MAP4: variants seen among roughly 807,000 people sequenced by gnomAD.
MAP4 encodes microtubule-associated protein 4.
A neutral mutation model predicts 170.2 loss-of-function variants in MAP4; 76 were observed. That is an observed-to-expected ratio of 0.45 (90% confidence interval 0.37 to 0.54). The LOEUF is 0.54. MAP4 is among the 20% of genes least tolerant of loss of function. The pLI, the probability that MAP4 is intolerant of heterozygous loss-of-function variation, is 0.00. For synonymous variants in MAP4, 909 were observed against 994.5 expected, an observed-to-expected ratio of 0.91 and a Z score of 1.62; for missense variants, 2,506 against 2,748.0, an observed-to-expected ratio of 0.91 and a Z score of 1.97.
chr3:48,007,524 A>G (rs1184591739), intron 1 of MAP4, among the ~76,000 whole-genome samples: 1 of 152,196 alleles, frequency 6.6e-6, no homozygotes, highest in East Asian at 1.9e-4. Context: ...CACCTGGGCC[A>G]TATGACCCAG....
intron 1 of MAP4, among the ~76,000 whole-genome samples, chr3:48,038,208 C>CGGAATATTT (rs2100119775): frequency 6.7e-6 from 1 of 149,754 alleles, no homozygotes; most frequent in East Asian, 1.9e-4. Flanking sequence ...TGAGGATTTT[C>CGGAATATTT]GGAATATTTG....
intron 3 of MAP4, among the ~76,000 whole-genome samples, chr3:47,939,824 G>T (rs1434814769): frequency 6.6e-6 from 1 of 151,040 alleles, no homozygotes; most frequent in African/African-American, 2.4e-5. Flanking sequence ...TCTGTTTTTT[G>T]TTGTTGTTGT....
intron 1 of MAP4, among the ~76,000 whole-genome samples, chr3:48,055,276 A>G (rs927989266): frequency 6.6e-5 from 10 of 151,610 alleles, no homozygotes; most frequent in African/African-American, 2.2e-4. Flanking sequence ...CCGAAGCTGG[A>G]CTGTACTGCT....
chr3:47,899,509 TATA>T (rs1483698393), intron 10 of MAP4, among the ~76,000 whole-genome samples: 1 of 152,232 alleles, frequency 6.6e-6, no homozygotes, highest in Non-Finnish European at 1.5e-5. Flanking sequence ...CTGAGTTCTT[TATA>T]TTATCATAAT....
chr3:47,996,296 T>C (rs948305692), intron 2 of MAP4, among the ~76,000 whole-genome samples: 1 of 151,922 alleles, frequency 6.6e-6, no homozygotes, highest in East Asian at 1.9e-4. Context: ...ACCAATACCA[T>C]GAGAAGACGC....
At position 47,852,618 on chromosome 3, in the gene MAP4, C is replaced by T. The variant is rs2044708602; in HGVS notation, c.*316G>A. 1 of 885,450 alleles carries T rather than the reference C, an allele frequency of 1.1e-6. No individual in the cohort carries two copies. The highest frequency in any genetic ancestry group is 1.7e-6 in the Non-Finnish European group (1 of 604,406). 54.8% of individuals were successfully genotyped at this position (885,450 alleles called of 1,614,324 possible). A position where few individuals can be genotyped will look rare whatever the true frequency, so the allele number is the denominator to read the frequency against. The stretch of plus-strand genomic sequence containing the variant: ...CTCAACCACCCCAACCCCCTCCCAA[C>T]CTCCTCCACGGAGCAGTGGCGCAGT... On this transcript the variant is annotated 3_prime_UTR_variant, in exon 21 of 21. Coordinates refer to ENST00000683076, the MANE Select transcript of MAP4 (RefSeq NM_001385682.1).
At chr3:48,029,368 G>A (rs981070577) in intron 1 of MAP4, among the ~76,000 whole-genome samples, 6 of 151,952 alleles carry the variant, frequency 3.9e-5, no homozygotes, top group South Asian at 2.1e-4. Flanking sequence ...CCCAGGAGGC[G>A]GAGGCTGCAG....
intron 1 of MAP4, among the ~76,000 whole-genome samples, chr3:48,028,290 T>C (rs2154504639): frequency 6.6e-6 from 1 of 152,100 alleles, no homozygotes; most frequent in Non-Finnish European, 1.5e-5. Context: ...AGACACCATC[T>C]CTGGGGGGGG....
chr3:48,004,861 C>A (rs575578069), intron 1 of MAP4, among the ~76,000 whole-genome samples: 57 of 152,272 alleles, frequency 3.7e-4, no homozygotes, highest in African/African-American at 1.3e-3. Context: ...ATCAACCTTT[C>A]CATCTTTGTC....
At position 47,903,710 on chromosome 3, in the gene MAP4, A is replaced by G. The variant is rs1024238119; in HGVS notation, c.5384-710T>C. 4.6e-5 allele frequency among the ~76,000 whole-genome samples: 7 copies of G among 152,236 alleles called. 1 individual carries two copies. The highest frequency in any genetic ancestry group is 2.0e-4 in the Admixed American group (3 of 15,282). ...AACAGTAGAGCAAACAGTAAGCTGG[A>G]AGAGACTTTGGCAATATATTCACTT... On this transcript the variant is annotated intron_variant, in intron 9 of 20. Transcript: ENST00000683076.
chr3:48,059,687 C>T (rs1246465618), intron 1 of MAP4, among the ~76,000 whole-genome samples: 3 of 151,614 alleles, frequency 2.0e-5, no homozygotes, highest in Non-Finnish European at 3.0e-5. Context: ...GTAATCCTAG[C>T]ATTTTGGGAG....
chr3:47,891,211 A>C, intron 10 of MAP4: 2 of 1,536,172 alleles, frequency 1.3e-6, no homozygotes, highest in Non-Finnish European at 1.7e-6. Flanking sequence ...TTCCTTCAGG[A>C]ATCTGCTCCA....
At chr3:47,886,161 T>C (rs139133820) in intron 10 of MAP4, among the ~76,000 whole-genome samples, 8 of 152,358 alleles carry the variant, frequency 5.3e-5, no homozygotes, top group Admixed American at 2.6e-4. Context: ...TAAAGTCGCA[T>C]TGTCTATGAT....
chr3:47,858,021 CTT>C (rs397817713), intron 17 of MAP4, among the ~76,000 whole-genome samples: 13 of 118,328 alleles, frequency 1.1e-4, no homozygotes, highest in South Asian at 3.0e-4. Context: ...CTGGCCTTCA[CTT>C]TTTTTTTTTT....
rs1170336183 is a variant in MAP4 at position 48,038,124 on chromosome 3, C to T, written c.-19-39245G>A. 3.4e-5 allele frequency among the ~76,000 whole-genome samples: 5 copies of T among 148,164 alleles called. No individual in the cohort carries two copies. The South Asian group carries it at 1.1e-3, about 31-fold the overall frequency. On this transcript the variant is annotated intron_variant, in intron 1 of 18. Coordinates refer to the MAP4 transcript ENST00000360240. Reference sequence around the variant, plus strand: ...TGGAGTTTGCAGTGAGCCGAGATCACGCCATTGCATTCCAGCCTGGGCATC... The same window carrying T: ...TGGAGTTTGCAGTGAGCCGAGATCATGCCATTGCATTCCAGCCTGGGCATC...
At chr3:47,929,993 G>A (rs963025630) in intron 3 of MAP4, among the ~76,000 whole-genome samples, 1 of 152,094 alleles carries the variant, frequency 6.6e-6, no homozygotes, top group Admixed American at 6.6e-5. Context: ...AGCTGGGCCT[G>A]GTGGCCTGTG....
chr3:47,973,729 A>G lies in MAP4; in HGVS notation c.292+4136T>C, dbSNP rs969394110. 3.0e-6 allele frequency: 3 copies of G among 985,328 alleles called. No individual in the cohort carries two copies. The East Asian group carries it at 3.4e-4, about 112-fold the overall frequency. The allele number at this position is 985,328 out of a possible 1,614,324, so 61.0% of individuals were successfully genotyped here. Reference sequence around the variant, plus strand: ...TACAGGGACTGGTTACGAGCAATAGAAAGATGTCAAACATGATTTTTAAAA... The same window carrying G: ...TACAGGGACTGGTTACGAGCAATAGGAAGATGTCAAACATGATTTTTAAAA... On this transcript the variant is annotated intron_variant, in intron 3 of 20. Coordinates refer to ENST00000683076, the MANE Select transcript of MAP4 (RefSeq NM_001385682.1).
intron 1 of MAP4, among the ~76,000 whole-genome samples, chr3:48,002,679 G>A (rs1433310651): frequency 6.6e-6 from 1 of 152,048 alleles, no homozygotes; most frequent in South Asian, 2.1e-4. Context: ...CCAGGAGTTC[G>A]AGACCAGCCT....
chr3:47,935,004 T>C (rs139339486), intron 3 of MAP4, among the ~76,000 whole-genome samples: 1 of 152,236 alleles, frequency 6.6e-6, no homozygotes, highest in Non-Finnish European at 1.5e-5. Flanking sequence ...TGCCCAATGA[T>C]GCAAACCTCT....
Sources: gnomAD v4.1 joint callset for allele counts (sites outside exome capture counted in the v4.1 genomes callset) on GRCh38, gnomAD v4.1.1 for gene constraint, MANE v1.5 for transcripts, NCBI Gene and HGNC (gene_info 2026-07-23, HGNC 2026-07-21) for gene names.